CTNND2: variants seen among roughly 807,000 people sequenced by gnomAD.
CTNND2 encodes catenin delta 2.
CTNND2 carries 22 observed loss-of-function variants against 144.4 expected under a neutral mutation model. The ratio of observed to expected loss-of-function variants is 0.15; its 90% CI spans 0.11 to 0.22. The LOEUF (loss-of-function observed/expected upper bound fraction) is 0.22. Among genes scored for constraint, CTNND2 ranks in the 10% least tolerant of loss-of-function variants. The pLI is 1.00. For synonymous variants in CTNND2, 751 were observed against 695.6 expected (o/e 1.08, Z -1.25); for missense variants, 1,353 against 1,618.8 (o/e 0.84, Z 2.82).
chr5:11,903,476 C>T lies in CTNND2; in HGVS notation c.37+341G>A, dbSNP rs1380645670. On this transcript the variant is annotated intron_variant, in intron 1 of 21. Transcript: ENST00000304623. The surrounding 1 kb of genome is among the most constrained non-coding windows in gnomAD (Gnocchi z 5.4). ...TATATTAGGGACGTCATGAATGCAC[C>T]GAGTATGTTCTCAGGGTGGCGGGGA... is the stretch of plus-strand genomic sequence containing the variant. 1.3e-6 allele frequency: 1 copy of T among 745,072 alleles called. No individual in the cohort carries two copies. The highest frequency in any genetic ancestry group is 1.8e-6 in the Non-Finnish European group (1 of 564,052). 46.2% of individuals were successfully genotyped at this position (745,072 alleles called of 1,614,324 possible).
intron 16 of CTNND2, among the ~76,000 whole-genome samples, chr5:11,038,869 T>A (rs1048121753): frequency 1.3e-5 from 2 of 152,272 alleles, no homozygotes; most frequent in East Asian, 3.9e-4. Flanking sequence ...AGACAACATA[T>A]CAAATTAATG....
chr5:11,384,736 G>T lies in CTNND2; in HGVS notation c.1106C>A (p.Ser369Tyr). Residue 369 changes from serine to tyrosine, a missense_variant, in exon 7 of 22, where the codon TCC becomes TAC. Ser to Tyr is a moderately radical substitution (Grantham distance 144). Transcript: ENST00000304623. The surrounding 1 kb of genome is among the most constrained non-coding windows in gnomAD (Gnocchi z 5.2). The stretch of plus-strand genomic sequence containing the variant: ...CTGCGAGTGCTTGCTGTACTGCTCG[G>T]ACGCGTGGACCAGGCGCTTGGTGGG... ...LSPTKRLVHA[S>Y]EQYSKHSQEL... 6.2e-7 allele frequency: 1 copy of T among 1,612,790 alleles called. No individual in the cohort carries two copies. Among genetic ancestry groups the T allele is most frequent in the Non-Finnish European group, 8.5e-7 (1 of 1,179,692 alleles).
At chr5:11,674,832 TCTC>T (rs1276106435) in intron 2 of CTNND2, among the ~76,000 whole-genome samples, 5 of 152,080 alleles carry the variant, frequency 3.3e-5, no homozygotes, top group Non-Finnish European at 5.9e-5. Context: ...TTCAAGCAAT[TCTC>T]CTGCCTCAGC....
At chr5:11,256,093 G>T (rs1744212300) in intron 9 of CTNND2, among the ~76,000 whole-genome samples, 1 of 152,088 alleles carries the variant, frequency 6.6e-6, no homozygotes, top group Admixed American at 6.5e-5. Context: ...CTGTGCTCAG[G>T]CCGAACTGTC....
At chr5:11,736,875 C>A (rs757266928) in intron 1 of CTNND2, among the ~76,000 whole-genome samples, 3 of 152,108 alleles carry the variant, frequency 2.0e-5, no homozygotes, top group African/African-American at 4.8e-5. Context: ...ATGTTTTTTA[C>A]ATAATAAGGT....
At chr5:11,711,377 A>AT (rs952688890) in intron 2 of CTNND2, among the ~76,000 whole-genome samples, 9 of 152,106 alleles carry the variant, frequency 5.9e-5, no homozygotes, top group Admixed American at 1.3e-4. Context: ...ATTTGATAGC[A>AT]TTTTTTTATA....
intron 9 of CTNND2, among the ~76,000 whole-genome samples, chr5:11,316,114 A>G (rs1044121716): frequency 1.3e-5 from 2 of 152,240 alleles, no homozygotes; most frequent in African/African-American, 4.8e-5. Context: ...GAAAAAACAA[A>G]AACAAAAAAT....
chr5:11,116,725 A>G (rs1052074033), intron 13 of CTNND2, among the ~76,000 whole-genome samples: 2 of 152,204 alleles, frequency 1.3e-5, no homozygotes, highest in Non-Finnish European at 2.9e-5. Flanking sequence ...AGTGTAATCA[A>G]CAGTTGTTAA....
At chr5:11,125,303 C>A (rs1175459684) in intron 12 of CTNND2, among the ~76,000 whole-genome samples, 6 of 152,194 alleles carry the variant, frequency 3.9e-5, no homozygotes, top group Non-Finnish European at 5.9e-5. Context: ...CTTCATTCTT[C>A]CACGAGGGCT....
At chr5:11,748,602 C>A (rs191185339) in intron 1 of CTNND2, among the ~76,000 whole-genome samples, 1 of 152,178 alleles carries the variant, frequency 6.6e-6, no homozygotes, top group Admixed American at 6.6e-5. Flanking sequence ...CCCTGTCAAG[C>A]AAAATTTATA....
At chr5:11,744,698 T>TGTGTGTGTGTGCGC (rs1788212640) in intron 1 of CTNND2, among the ~76,000 whole-genome samples, 3 of 146,286 alleles carry the variant, frequency 2.1e-5, no homozygotes, top group East Asian at 4.0e-4. Flanking sequence ...TGTGTGTGCG[T>TGTGTGTGTGTGCGC]GTGTGTGTGT....
At chr5:11,756,220 C>T (rs565671256) in intron 1 of CTNND2, among the ~76,000 whole-genome samples, 3 of 151,690 alleles carry the variant, frequency 2.0e-5, no homozygotes, top group African/African-American at 7.2e-5. Flanking sequence ...TAACAAGTGG[C>T]TGATTCAAGA....
At chr5:11,860,976 T>G (rs114084887) in intron 1 of CTNND2, among the ~76,000 whole-genome samples, 181 of 152,346 alleles carry the variant, frequency 1.2e-3, no homozygotes, top group African/African-American at 4.2e-3. Context: ...CTTTCTATGG[T>G]AAGTATTTTG....
chr5:10,999,305 C>G (rs1264034416), intron 18 of CTNND2, among the ~76,000 whole-genome samples: 1 of 152,154 alleles, frequency 6.6e-6, no homozygotes, highest in Non-Finnish European at 1.5e-5. Flanking sequence ...ACAACTCGGG[C>G]ACATATCATT....
Position 10,981,804 on chromosome 5 carries a change from C to G in CTNND2, c.3386G>C (p.Gly1129Ala). 6.2e-7 allele frequency: 1 copy of G among 1,613,882 alleles called. No homozygotes were observed. The highest frequency in any genetic ancestry group is 8.5e-7 in the Non-Finnish European group (1 of 1,179,938). Residue 1129 changes from glycine (G) to alanine (A), a missense_variant, in exon 21 of 22, where the codon GGT becomes GCT. This residue lies in a region of CTNND2 where 459 missense variants were observed against 674.3 expected (regional missense o/e 0.68). Transcript: ENST00000304623. ...GISTLYRNSY[G>A]APAEDIKHNQ... is the part of the protein sequence containing the mutation. ...GTGTTTGATGTCTTCAGCGGGCGCA[C>G]CATAAGAATTCCTATACAAAGTTGA...
At chr5:11,084,460 T>C (rs1356336897) in intron 15 of CTNND2, among the ~76,000 whole-genome samples, 1 of 152,188 alleles carries the variant, frequency 6.6e-6, no homozygotes, top group East Asian at 1.9e-4. Flanking sequence ...AATCCTGGGA[T>C]CTTCCCTAAA....
intron 2 of CTNND2, among the ~76,000 whole-genome samples, chr5:11,674,167 C>T (rs1784048165): frequency 6.6e-6 from 1 of 152,074 alleles, no homozygotes; most frequent in Admixed American, 6.5e-5. Context: ...CAAGATACAC[C>T]AGTAGACTTT....
At chr5:11,783,509 C>T (rs7722760) in intron 1 of CTNND2, among the ~76,000 whole-genome samples, 33 of 152,264 alleles carry the variant, frequency 2.2e-4, no homozygotes, top group African/African-American at 7.5e-4. Flanking sequence ...CTCTAGGCCA[C>T]AGCCGTAAGC....
intron 2 of CTNND2, among the ~76,000 whole-genome samples, chr5:11,671,223 T>C (rs914665574): frequency 2.0e-5 from 3 of 152,198 alleles, no homozygotes; most frequent in Non-Finnish European, 4.4e-5. Flanking sequence ...TTCCTTCATT[T>C]CAACCTTGGT....
Sources: gnomAD v4.1 joint callset for allele counts (sites outside exome capture counted in the v4.1 genomes callset) on GRCh38, gnomAD v4.1.1 for gene constraint, gnomAD v4.1.1 regional missense constraint, Gnocchi (gnomAD v3.1) non-coding constraint, MANE v1.5 for transcripts, NCBI Gene and HGNC (gene_info 2026-07-23, HGNC 2026-07-21) for gene names.